PANK2: variants seen among roughly 807,000 people sequenced by gnomAD.
The protein encoded by PANK2 is pantothenate kinase 2.
In PANK2, 36 loss-of-function variants were observed where a neutral mutation model predicts 43.1. The observed-to-expected ratio is 0.84, with a 90% CI of 0.64 to 1.10. The LOEUF is 1.10. Ranked by LOEUF, PANK2 falls within the 50% of genes least tolerant of loss-of-function variation. The pLI, the probability that PANK2 is intolerant of heterozygous loss-of-function variation, is 0.00. For missense variants in PANK2, 576 were observed against 593.3 expected (o/e 0.97, Z 0.30); for synonymous variants, 281 against 238.2 (o/e 1.18, Z -1.66).
chr20:3,898,348 C>T lies in PANK2; in HGVS notation c.298+8620C>T, dbSNP rs568363222. On this transcript the variant is annotated intron_variant, in intron 1 of 6. Transcript: ENST00000610179. ...CTGATTATCTGGGATTACAGGCGCC[C>T]ACCACCATGCCTGACTAATTTTTGT... is the stretch of plus-strand genomic sequence containing the variant. 2.9e-4 allele frequency among the ~76,000 whole-genome samples: 44 copies of T among 151,984 alleles called. 1 individual carries two copies. The highest frequency in any genetic ancestry group is 5.6e-4 in the Non-Finnish European group (38 of 68,016).
chr20:3,905,942 C>G (rs1242807977), intron 1 of PANK2, among the ~76,000 whole-genome samples: 1 of 151,438 alleles, frequency 6.6e-6, no homozygotes, highest in Non-Finnish European at 1.5e-5. Context: ...TCTTGAACTC[C>G]TGACCTCAGG....
chr20:3,902,568 C>T (rs527785161), intron 1 of PANK2, among the ~76,000 whole-genome samples: 4 of 139,536 alleles, frequency 2.9e-5, no homozygotes, highest in South Asian at 2.4e-4. Context: ...CATGAGCCAC[C>T]GCACCTGGCC....
At chr20:3,913,995 T>G (rs528366730) in intron 4 of PANK2, among the ~76,000 whole-genome samples, 10 of 151,918 alleles carry the variant, frequency 6.6e-5, no homozygotes, top group South Asian at 2.1e-4. Flanking sequence ...TTCACTATGT[T>G]GGCCAGGATG....
At chr20:3,900,436 T>G (rs2090283138) in intron 1 of PANK2, among the ~76,000 whole-genome samples, 1 of 151,818 alleles carries the variant, frequency 6.6e-6, no homozygotes, top group South Asian at 2.1e-4. Flanking sequence ...AGCTGCTCTA[T>G]CTAGTATTCA....
At position 3,912,706 on chromosome 20, in the gene PANK2, C is replaced by CT. The variant is rs996739623; in HGVS notation, c.1082+75dup. 1.1e-3 allele frequency: 1,659 copies of CT among 1,540,408 alleles called. 10 individuals carry two copies. The highest frequency in any genetic ancestry group is 8.5e-3 in the Middle Eastern group (39 of 4,606). On this transcript the variant is annotated intron_variant, in intron 4 of 6. Transcript: ENST00000610179. ...GTGGCTCATGCCTTTAATCCCAAAA[C>CT]TTTGAGAGGCCGAGATGGGCAGATC...
upstream of PANK2, chr20:3,889,113 G>C: frequency 6.5e-7 from 1 of 1,547,846 alleles, no homozygotes; most frequent in South Asian, 1.2e-5. Context: ...GAGGAGGCTC[G>C]GGCCCTTCCA....
intron 4 of PANK2, among the ~76,000 whole-genome samples, chr20:3,914,033 C>T (rs555667986): frequency 5.3e-5 from 8 of 150,970 alleles, no homozygotes; most frequent in Admixed American, 2.6e-4. Flanking sequence ...TCATGATCCG[C>T]CCGCCTTGGC....
chr20:3,910,643 G>C lies in PANK2; in HGVS notation c.718G>C (p.Asp240His), dbSNP rs1568572755. ...CTTGATCAAAGGAATTTTATACATT[G>C]ACTCAGTCGGATTCAATGGACGGTC... Residue 240 changes from aspartate to histidine, a missense_variant, in exon 3 of 7, where the codon GAC (aspartate) becomes CAC (histidine). Asp to His is a moderately conservative substitution (Grantham distance 81). Transcript: ENST00000610179. 5.0e-6 allele frequency: 8 copies of C among 1,614,122 alleles called. No homozygotes were observed. Among genetic ancestry groups the C allele is most frequent in the Non-Finnish European group, 6.8e-6 (8 of 1,180,014 alleles).
chr20:3,903,161 T>A (rs1352895130), intron 1 of PANK2, among the ~76,000 whole-genome samples: 1 of 151,718 alleles, frequency 6.6e-6, no homozygotes, highest in African/African-American at 2.4e-5. Context: ...TTCCCCCTTT[T>A]TGAGACGGAG....
chr20:3,913,812 G>C (rs1275804100), intron 4 of PANK2, among the ~76,000 whole-genome samples: 1 of 134,426 alleles, frequency 7.4e-6, no homozygotes, highest in South Asian at 2.3e-4. Context: ...TTTTTGAGAC[G>C]GAGTCTTGGT....
At chr20:3,890,142 C>CT (rs564429125) in intron 1 of PANK2, among the ~76,000 whole-genome samples, 205 of 152,306 alleles carry the variant, frequency 1.3e-3, no homozygotes, top group African/African-American at 3.6e-3. Flanking sequence ...CTCTCTAATA[C>CT]TTTAAGTCCC....
chr20:3,889,349 G>T, upstream of PANK2: 1 of 1,586,212 alleles, frequency 6.3e-7, no homozygotes, highest in Non-Finnish European at 8.6e-7. Context: ...CTGCGCGTTG[G>T]CGCAACGGAA....
intron 1 of PANK2, among the ~76,000 whole-genome samples, chr20:3,898,369 T>C (rs775954883): frequency 7.2e-5 from 11 of 152,026 alleles, no homozygotes; most frequent in Non-Finnish European, 1.5e-4. Flanking sequence ...CTGACTAATT[T>C]TTGTATTTTT....
intron 1 of PANK2, among the ~76,000 whole-genome samples, chr20:3,907,084 C>T (rs1355784149): frequency 2.0e-5 from 3 of 146,776 alleles, no homozygotes; most frequent in Non-Finnish European, 3.0e-5. Flanking sequence ...CGTGAGCCAC[C>T]GTGCCCAGCC....
intron 1 of PANK2, among the ~76,000 whole-genome samples, chr20:3,890,860 G>A (rs549277867): frequency 6.6e-6 from 1 of 152,318 alleles, no homozygotes; most frequent in Non-Finnish European, 1.5e-5. Context: ...TTGGAAAACA[G>A]ATTCTTAACC....
rs752138761 is a variant in PANK2 at position 3,889,467 on chromosome 20, C to T, written c.37C>T (p.Arg13Trp). ...GCTCGGGCGGCAGCGACTGCTGCTG[C>T]GGATGGGAGGGGGCCGGCTCGGCGC... Residue 13 changes from arginine to tryptophan, a missense_variant, in exon 1 of 7, where the codon CGG (arginine) becomes TGG (tryptophan). Transcript: ENST00000610179. 5.9e-6 allele frequency: 9 copies of T among 1,535,628 alleles called. No homozygotes were observed. The highest frequency in any genetic ancestry group is 2.0e-5 in the Admixed American group (1 of 50,318).
At chr20:3,891,434 A>C (rs1046473023) in intron 1 of PANK2, 6 of 152,218 alleles carry the variant, frequency 3.9e-5, no homozygotes, top group Non-Finnish European at 7.3e-5. Flanking sequence ...ATTCCATTTT[A>C]CAGATGAGAA....
At chr20:3,913,791 T>TA (rs71195868) in intron 4 of PANK2, among the ~76,000 whole-genome samples, 49,218 of 105,272 alleles carry the variant, frequency 0.47, 10,599 homozygotes, top group Non-Finnish European at 0.55. Flanking sequence ...TATATATATA[T>TA]TTTTTTTTTT....
chr20:3,896,629 T>C (rs1425928218), intron 1 of PANK2, among the ~76,000 whole-genome samples: 5 of 152,094 alleles, frequency 3.3e-5, no homozygotes, highest in Middle Eastern at 3.4e-3. Context: ...GAAGGTTAAG[T>C]TGATCACCAG....
Sources: allele counts gnomAD v4.1 joint callset (sites outside exome capture counted in the v4.1 genomes callset), GRCh38; gene constraint gnomAD v4.1.1; transcripts MANE v1.5; gene names NCBI Gene and HGNC (gene_info 2026-07-23, HGNC 2026-07-21).